The following MBNL2 variants were observed in gnomAD, a reference collection of about 807,000 sequenced individuals.
The protein encoded by MBNL2 is muscleblind like splicing regulator 2.
A neutral mutation model predicts 41.9 loss-of-function variants in MBNL2; 17 were observed. That is an observed-to-expected ratio of 0.41 (90% CI 0.28 to 0.61). MBNL2 has a LOEUF of 0.61. MBNL2 is among the 20% of genes least tolerant of loss of function. MBNL2 has a pLI of 0.35. For missense variants in MBNL2, 336 were observed against 505.6 expected (o/e 0.66, Z 3.22); for synonymous variants, 195 against 182.9 (o/e 1.07, Z -0.53).
At chr13:97,199,228 TCTCTA>T in the MBNL2 span, among the ~76,000 whole-genome samples, 2 of 152,198 alleles carry the variant, frequency 1.3e-5, no homozygotes, top group African/African-American at 2.4e-5. Context: ...ATCGTTCATG[TCTCTA>T]CTCTGGCATC....
intron 2 of MBNL2, among the ~76,000 whole-genome samples, chr13:97,312,553 C>T (rs2058704510): frequency 6.6e-6 from 1 of 152,112 alleles, no homozygotes; most frequent in African/African-American, 2.4e-5. Flanking sequence ...TAGGAAATAT[C>T]TCCAAGAAAC....
intron 3 of MBNL2, among the ~76,000 whole-genome samples, chr13:97,339,326 G>A (rs2061227643): frequency 6.6e-6 from 1 of 152,004 alleles, no homozygotes; most frequent in Non-Finnish European, 1.5e-5. Flanking sequence ...TGATGTCCTG[G>A]GAGGGAAAGC....
chr13:97,328,230 C>T (rs1049391513), intron 2 of MBNL2, among the ~76,000 whole-genome samples: 1 of 124,666 alleles, frequency 8.0e-6, no homozygotes, highest in Non-Finnish European at 1.7e-5. Flanking sequence ...CAAGACAAAA[C>T]AGGCTTCTGA....
rs1284248068 is a variant in MBNL2 at position 97,379,744 on chromosome 13, AG to A, written c.1049-11573del. ...GAAAGGGATTCAGGATTGGCAGGAA[AG>A]GGGGATGTGGAGTTATTCTCTAACG... On this transcript the variant is annotated intron_variant, in intron 8 of 8. Coordinates refer to ENST00000679496, the MANE Select transcript of MBNL2 (RefSeq NM_001382683.1). Among the ~76,000 whole-genome samples the A allele has an allele frequency of 1.4e-4, 21 of 152,226 alleles. 1 individual carries two copies. The East Asian group carries it at 4.1e-3, about 29-fold the overall frequency.
chr13:97,252,825 T>C (rs2046826920), intron 1 of MBNL2, among the ~76,000 whole-genome samples: 1 of 152,204 alleles, frequency 6.6e-6, no homozygotes, highest in East Asian at 1.9e-4. Flanking sequence ...AAGATAATGA[T>C]AACATTTTCT....
chr13:97,175,572 C>T, the MBNL2 span, among the ~76,000 whole-genome samples: 2 of 152,110 alleles, frequency 1.3e-5, no homozygotes, highest in Non-Finnish European at 2.9e-5. Context: ...GGAAAAATGT[C>T]CCAGTAGAAG....
intron 5 of MBNL2, among the ~76,000 whole-genome samples, chr13:97,353,665 C>A (rs890066930): frequency 1.3e-5 from 2 of 152,114 alleles, no homozygotes; most frequent in African/African-American, 4.8e-5. Flanking sequence ...ATCACCATCA[C>A]CAGAATTTTT....
At chr13:97,145,237 T>C in the MBNL2 span, among the ~76,000 whole-genome samples, 176 of 152,216 alleles carry the variant, frequency 1.2e-3, no homozygotes, top group Non-Finnish European at 2.3e-3. Flanking sequence ...GCATCTGAGA[T>C]TTGGGAGATG....
rs34473435 is a variant in MBNL2, at chr13:97,292,200, C to CAAAA, written c.174+15810_174+15813dup. On this transcript the variant is annotated intron_variant, in intron 2 of 8. Transcript: ENST00000679496. ...TGGGCAACAGAGCCAGACTCCATCTCAAAAAAAAAAAAAAAAAAAAAAGTG... is the reference window on the plus strand; with the variant it reads ...TGGGCAACAGAGCCAGACTCCATCTCAAAAAAAAAAAAAAAAAAAAAAAAAAGTG... 3.8e-3 allele frequency among the ~76,000 whole-genome samples: 265 copies of CAAAA among 69,462 alleles called. 8 individuals carry two copies. Among genetic ancestry groups the CAAAA allele is most frequent in the African/African-American group, 0.012 (252 of 21,898 alleles). The allele number at this position is 69,462 out of a possible 152,430, so 45.6% of individuals were successfully genotyped here.
chr13:97,154,792 A>AAGAT, the MBNL2 span, among the ~76,000 whole-genome samples: 1 of 146,290 alleles, frequency 6.8e-6, no homozygotes, highest in Non-Finnish European at 1.5e-5. Context: ...AAATGGTATA[A>AAGAT]GGATGGATGG....
At chr13:97,357,744 G>T in intron 7 of MBNL2, 109 bp downstream of exon 7, 1 of 1,037,558 alleles carries the variant, frequency 9.6e-7, no homozygotes, top group Non-Finnish European at 1.5e-6. Flanking sequence ...GTATAATACA[G>T]TTTGAAATTC....
chr13:97,197,384 T>C, the MBNL2 span, among the ~76,000 whole-genome samples: 3 of 152,252 alleles, frequency 2.0e-5, no homozygotes, highest in Non-Finnish European at 4.4e-5. Context: ...AAAAATGATT[T>C]CTGGTTCCTA....
the MBNL2 span, among the ~76,000 whole-genome samples, chr13:97,170,225 A>T: frequency 6.6e-6 from 1 of 152,238 alleles, no homozygotes; most frequent in African/African-American, 2.4e-5. Context: ...TATGTAAAGC[A>T]TGTGTATATG....
chr13:97,169,089 T>G, the MBNL2 span, among the ~76,000 whole-genome samples: 1 of 152,204 alleles, frequency 6.6e-6, no homozygotes, highest in Admixed American at 6.5e-5. Context: ...CTTTCAGAAA[T>G]GTACAGGGTG....
At chr13:97,317,506 A>G (rs948962823) in intron 2 of MBNL2, among the ~76,000 whole-genome samples, 3 of 152,200 alleles carry the variant, frequency 2.0e-5, no homozygotes, top group Admixed American at 1.3e-4. Flanking sequence ...TGCCATAAGC[A>G]AAGCATTGAT....
chr13:97,327,551 C>T (rs930682569), intron 2 of MBNL2, among the ~76,000 whole-genome samples: 10 of 90,174 alleles, frequency 1.1e-4, no homozygotes, highest in South Asian at 1.1e-3. Flanking sequence ...GACTATTATA[C>T]GTTATTTGTA....
the MBNL2 span, among the ~76,000 whole-genome samples, chr13:97,164,979 G>A: frequency 3.7e-4 from 57 of 152,308 alleles, no homozygotes; most frequent in African/African-American, 1.3e-3. Flanking sequence ...CCGAGGTGGC[G>A]GATCACTTGC....
At chr13:97,220,806 A>G (rs1241426190), upstream of MBNL2, among the ~76,000 whole-genome samples, 1 of 152,206 alleles carries the variant, frequency 6.6e-6, no homozygotes, top group East Asian at 1.9e-4. Context: ...AGTTTCAGGA[A>G]TGGGATTCAT....
chr13:97,327,274 T>G (rs567124537), intron 2 of MBNL2, among the ~76,000 whole-genome samples: 19 of 152,274 alleles, frequency 1.2e-4, no homozygotes, highest in African/African-American at 4.6e-4. Flanking sequence ...CCTCATCACG[T>G]AGACGTCTCA....
Sources: gnomAD v4.1 joint callset for allele counts (sites outside exome capture counted in the v4.1 genomes callset) on GRCh38, gnomAD v4.1.1 for gene constraint, MANE v1.5 for transcripts, NCBI Gene and HGNC (gene_info 2026-07-23, HGNC 2026-07-21) for gene names.